The following OR56A3 variants were observed in gnomAD, a reference collection of about 807,000 sequenced individuals.
OR56A3 encodes the protein olfactory receptor 56A3.
In OR56A3, 23 loss-of-function variants were observed where a neutral mutation model predicts 17.5. The observed-to-expected ratio is 1.32, with a 90% confidence interval of 0.95 to 1.87. The LOEUF (loss-of-function observed/expected upper bound fraction) is 1.87. OR56A3 is among the 40% of genes most tolerant of loss of function. OR56A3 has a pLI of 0.00. For missense variants in OR56A3, 366 were observed against 380.1 expected (o/e 0.96, Z 0.31); for synonymous variants, 175 against 150.6 (o/e 1.16, Z -1.19).
the OR56A3 span, among the ~76,000 whole-genome samples, chr11:5,959,930 T>G: frequency 3.3e-5 from 5 of 152,210 alleles, no homozygotes; most frequent in Admixed American, 1.3e-4. Flanking sequence ...AATCTCCTTT[T>G]CCTCATTGTG....
chr11:5,952,857 A>G (rs936893601), downstream of OR56A3, among the ~76,000 whole-genome samples: 14 of 152,102 alleles, frequency 9.2e-5, no homozygotes, highest in Admixed American at 1.3e-4. Context: ...CTTTAGGTCC[A>G]TGAGTATCCA....
Position 5,948,374 on chromosome 11 carries a change from T to C in OR56A3, c.*80T>C, listed in dbSNP as rs536450952. The C allele has an allele frequency of 3.2e-6, 3 of 952,336 alleles. No individual in the cohort carries two copies. The highest frequency in any genetic ancestry group is 3.3e-5 in the African/African-American group (2 of 60,680). The allele number at this position is 952,336 out of a possible 1,614,324, so 59.0% of individuals were successfully genotyped here. A position where few individuals can be genotyped will look rare whatever the true frequency, so the allele number is the denominator to read the frequency against. On this transcript the variant is annotated 3_prime_UTR_variant, in exon 3 of 3. Transcript: ENST00000641160. Reference sequence around the variant, plus strand: ...ATGAGTGAGTGGGCTGAAATTCATATCTGTGACTTATAACCTCAAACTGGG... The same window carrying C: ...ATGAGTGAGTGGGCTGAAATTCATACCTGTGACTTATAACCTCAAACTGGG...
the OR56A3 span, chr11:6,002,078 T>C: frequency 1.3e-6 from 2 of 1,599,022 alleles, no homozygotes; most frequent in Non-Finnish European, 1.7e-6. Flanking sequence ...GGTTTTGGAT[T>C]CCCTGCTTGA....
the OR56A3 span, chr11:5,999,909 G>A: frequency 1.3e-5 from 2 of 152,212 alleles, no homozygotes; most frequent in Non-Finnish European, 2.9e-5. Context: ...GATCAGGGAA[G>A]GAAGACCTAC....
At chr11:5,998,020 G>A in the OR56A3 span, among the ~76,000 whole-genome samples, 517 of 152,210 alleles carry the variant, frequency 3.4e-3, 3 homozygotes, top group Non-Finnish European at 5.6e-3. Flanking sequence ...AAAGCCTCTC[G>A]GTACCAGCAA....
the OR56A3 span, among the ~76,000 whole-genome samples, chr11:5,959,339 A>G: frequency 8.1e-4 from 124 of 152,164 alleles, no homozygotes; most frequent in Non-Finnish European, 1.0e-3. Context: ...TTTTGTTTTT[A>G]TAATAGTCAT....
At chr11:5,997,412 A>C in the OR56A3 span, among the ~76,000 whole-genome samples, 93,030 of 151,962 alleles carry the variant, frequency 0.61, 28,960 homozygotes, top group South Asian at 0.79. Context: ...GTGACTGTTT[A>C]ATGCACCATC....
the OR56A3 span, chr11:6,002,779 G>C: frequency 5.9e-5 from 96 of 1,613,818 alleles, 1 homozygote; most frequent in Middle Eastern, 5.7e-3. Flanking sequence ...ACGATGTCCA[G>C]CAGGGAGAGG....
chr11:5,989,677 A>G, the OR56A3 span, among the ~76,000 whole-genome samples: 11 of 152,186 alleles, frequency 7.2e-5, no homozygotes, highest in Non-Finnish European at 1.6e-4. Flanking sequence ...ATTGGGCACA[A>G]TGTACACTAT....
chr11:5,994,023 G>T, the OR56A3 span: 2 of 466,792 alleles, frequency 4.3e-6, no homozygotes, highest in Non-Finnish European at 8.5e-6. Flanking sequence ...CTTCCAGCAG[G>T]CTGCAGTAGG....
chr11:6,011,204 T>TATACATATATA, the OR56A3 span, among the ~76,000 whole-genome samples: 3,925 of 122,436 alleles, frequency 0.032, 99 homozygotes, highest in East Asian at 0.079. Context: ...GAGATTTATT[T>TATACATATATA]TATATATATA....
At chr11:5,946,805 C>G (rs538113435) in intron 2 of OR56A3, among the ~76,000 whole-genome samples, 2 of 152,216 alleles carry the variant, frequency 1.3e-5, no homozygotes, top group South Asian at 4.1e-4. Flanking sequence ...AATCTCTAAG[C>G]AAAATAAGTG....
chr11:5,983,770 C>A, the OR56A3 span, among the ~76,000 whole-genome samples: 1 of 152,162 alleles, frequency 6.6e-6, no homozygotes, highest in Non-Finnish European at 1.5e-5. Flanking sequence ...TCATTGGGAG[C>A]AATGGATGCA....
chr11:5,951,328 A>C lies in OR56A3; in HGVS notation c.*3034A>C, dbSNP rs1262332533. 4 of 152,114 alleles carry C rather than the reference A, an allele frequency of 2.6e-5. No homozygotes were observed. The allele number at this position is 152,114 out of a possible 1,614,324, so 9.4% of individuals were successfully genotyped here. A position where few individuals can be genotyped will look rare whatever the true frequency, so the allele number is the denominator to read the frequency against. ...GATAAACATTATTTGTAATTCATTA[A>C]ATTTTTCTTTACATCATTTACACAC... On this transcript the variant is annotated 3_prime_UTR_variant, in exon 3 of 3. Transcript: ENST00000641160.
chr11:5,964,897 G>C, the OR56A3 span, among the ~76,000 whole-genome samples: 2 of 142,220 alleles, frequency 1.4e-5, no homozygotes, highest in African/African-American at 2.5e-5. Context: ...CCCTGATGTT[G>C]GGGGAGGGGT....
chr11:5,985,879 C>T, the OR56A3 span: 2 of 1,466,050 alleles, frequency 1.4e-6, no homozygotes, highest in Non-Finnish European at 1.8e-6. Flanking sequence ...ACACCAGTCA[C>T]AGGCTCCTGG....
Position 5,947,831 on chromosome 11 carries a change from C to A in OR56A3, c.485C>A (p.Pro162His). The A allele has an allele frequency of 6.2e-7, 1 of 1,614,136 alleles. No homozygotes were observed. Residue 162 changes from proline (P) to histidine (H), a missense_variant, in exon 3 of 3, where the codon CCC (proline) becomes CAC (histidine). Coordinates refer to ENST00000641160, the MANE Select transcript of OR56A3 (RefSeq NM_001003443.3). Reference sequence around the variant, plus strand: ...ACCAGAAATGTGCTTATGACTCTGCCCATCCCCATCCTTTCAGCACAACTC... The same window carrying A: ...ACCAGAAATGTGCTTATGACTCTGCACATCCCCATCCTTTCAGCACAACTC... ...ILTRNVLMTL[P>H]IPILSAQLRY...
At chr11:6,010,817 ATGTG>A in the OR56A3 span, among the ~76,000 whole-genome samples, 3,967 of 149,844 alleles carry the variant, frequency 0.026, 139 homozygotes, top group African/African-American at 0.084. Context: ...CAAGACAGAA[ATGTG>A]TGTGTGTGTG....
chr11:6,017,241 C>T, the OR56A3 span: 1 of 152,142 alleles, frequency 6.6e-6, no homozygotes, highest in Non-Finnish European at 1.5e-5. Flanking sequence ...CAAATAAAAC[C>T]TATTTAACAA....
Sources: allele counts gnomAD v4.1 joint callset (sites outside exome capture counted in the v4.1 genomes callset), GRCh38; gene constraint gnomAD v4.1.1; transcripts MANE v1.5; gene names NCBI Gene and HGNC (gene_info 2026-07-23, HGNC 2026-07-21).